SPATA17: variants seen among roughly 807,000 people sequenced by gnomAD.
The protein encoded by SPATA17 is spermatogenesis-associated protein 17.
In SPATA17, 53 loss-of-function variants were observed where a neutral mutation model predicts 62.2. The observed-to-expected ratio is 0.85, with a 90% CI of 0.68 to 1.07. The LOEUF is 1.07. SPATA17 is among the 50% of genes least tolerant of loss of function. SPATA17 has a pLI of 0.00. For synonymous variants in SPATA17, 146 were observed against 146.8 expected, an observed-to-expected ratio of 0.99 and a Z score of 0.04; for missense variants, 466 against 425.5, an observed-to-expected ratio of 1.10 and a Z score of -0.84.
chr1:217,779,144 T>TTG (rs55714817), intron 7 of SPATA17, among the ~76,000 whole-genome samples: 35,590 of 148,330 alleles, frequency 0.24, 4,442 homozygotes, highest in East Asian at 0.5. Context: ...GTAAAACAAC[T>TTG]TGTGTGTGTG....
chr1:217,846,587 T>G (rs983047582), intron 9 of SPATA17, among the ~76,000 whole-genome samples: 1 of 152,092 alleles, frequency 6.6e-6, no homozygotes, highest in African/African-American at 2.4e-5. Flanking sequence ...CTTTTCCTAC[T>G]AGTAATTCAT....
chr1:217,657,261 T>C (rs1670466205), intron 3 of SPATA17, among the ~76,000 whole-genome samples: 1 of 152,204 alleles, frequency 6.6e-6, no homozygotes, highest in South Asian at 2.1e-4. Context: ...AAATGCTGCA[T>C]TGCTTCCTTT....
At chr1:217,755,495 AT>A (rs1431047578) in intron 6 of SPATA17, among the ~76,000 whole-genome samples, 2 of 151,966 alleles carry the variant, frequency 1.3e-5, no homozygotes, top group Non-Finnish European at 2.9e-5. Context: ...TGTCAAAAAA[AT>A]TTTTTTCTTA....
chr1:217,696,141 C>T (rs1322198752), intron 5 of SPATA17, among the ~76,000 whole-genome samples: 1 of 152,208 alleles, frequency 6.6e-6, no homozygotes, highest in African/African-American at 2.4e-5. Context: ...TAGCAATCAG[C>T]GAGATTCCGT....
Position 217,774,529 on chromosome 1 carries a change from C to A in SPATA17, c.715C>A (p.Gln239Lys). 2 of 1,613,432 alleles carry A rather than the reference C, an allele frequency of 1.2e-6. No individual in the cohort carries two copies. Among genetic ancestry groups the A allele is most frequent in the Non-Finnish European group, 1.7e-6 (2 of 1,179,606 alleles). The change falls in exon 7 of 11, where the codon CAA becomes AAA. Residue 239 changes from glutamine to lysine, a missense_variant. By Grantham distance (53) the Gln-to-Lys change is moderately conservative (BLOSUM62 1). Coordinates refer to ENST00000366933, the MANE Select transcript of SPATA17 (RefSeq NM_138796.4). ...AATTCTACCACCTATTAATAGAAAG[C>A]AATGTCAGGTACTAGTTTGCTGTAT... is the stretch of plus-strand genomic sequence containing the variant. Reference protein sequence around the residue: ...SEILPPINRKQCQGPFRDITE... With the variant: ...SEILPPINRKKCQGPFRDITE...
chr1:217,672,314 TG>T (rs1670851158), intron 4 of SPATA17, among the ~76,000 whole-genome samples: 1 of 152,146 alleles, frequency 6.6e-6, no homozygotes, highest in Admixed American at 6.5e-5. Flanking sequence ...GAATGGCGAG[TG>T]TTCAAAAGAA....
At chr1:217,720,016 G>C (rs981398951) in intron 5 of SPATA17, among the ~76,000 whole-genome samples, 5 of 152,166 alleles carry the variant, frequency 3.3e-5, no homozygotes, top group Non-Finnish European at 5.9e-5. Context: ...TAGCTGTTAG[G>C]CACTACTGGT....
chr1:217,639,313 C>A (rs1293539032), intron 1 of SPATA17, among the ~76,000 whole-genome samples: 1 of 152,056 alleles, frequency 6.6e-6, no homozygotes, highest in Non-Finnish European at 1.5e-5. Flanking sequence ...TTCAAGACCA[C>A]AGATAAGAAT....
chr1:217,864,102 T>G (rs547746444), intron 10 of SPATA17, among the ~76,000 whole-genome samples: 1 of 152,226 alleles, frequency 6.6e-6, no homozygotes, highest in Non-Finnish European at 1.5e-5. Flanking sequence ...TCTGAGCTAA[T>G]AGGAAATGTA....
At chr1:217,652,027 A>G (rs959496401) in intron 3 of SPATA17, among the ~76,000 whole-genome samples, 4 of 152,190 alleles carry the variant, frequency 2.6e-5, no homozygotes, top group Non-Finnish European at 5.9e-5. Context: ...AATTGCCAAG[A>G]TCCTCTGCCT....
chr1:217,673,406 G>A (rs114963705), intron 4 of SPATA17, among the ~76,000 whole-genome samples: 7,685 of 152,152 alleles, frequency 0.051, 260 homozygotes, highest in Middle Eastern at 0.11. Context: ...CTGGGGCCCT[G>A]TTCCTCCTGT....
At chr1:217,841,704 C>T (rs1343240389) in intron 9 of SPATA17, among the ~76,000 whole-genome samples, 3 of 151,864 alleles carry the variant, frequency 2.0e-5, no homozygotes, top group South Asian at 2.1e-4. Flanking sequence ...TGGGAGGATC[C>T]TTTGGGTCCA....
At position 217,801,815 on chromosome 1, in the gene SPATA17, C is replaced by T. The variant is rs1204987538; in HGVS notation, c.970C>T (p.Arg324Ter). The T allele has an allele frequency of 9.9e-6, 16 of 1,609,630 alleles. No individual in the cohort carries two copies. Among genetic ancestry groups the T allele is most frequent in the South Asian group, 2.2e-5 (2 of 90,080 alleles). The change falls in exon 9 of 11, where the codon CGA (arginine) becomes TGA (stop). Residue 324 changes from arginine to a stop codon, truncating the protein, a stop_gained. Coordinates refer to ENST00000366933, the MANE Select transcript of SPATA17 (RefSeq NM_138796.4). LOFTEE classifies it high-confidence loss of function. ...TCCTATTTCTTACAAAGAACAATTC[C>T]GAAGTGAAAATCCTAAGAAATGGAT... ...YGPISYKEQF[R>*]SENPKKWICD... is the part of the protein sequence containing the mutation.
intron 9 of SPATA17, among the ~76,000 whole-genome samples, chr1:217,808,643 A>T (rs1223760520): frequency 6.6e-6 from 1 of 152,012 alleles, no homozygotes; most frequent in East Asian, 1.9e-4. Context: ...CCCAAGGTCA[A>T]GAGATCGAGA....
chr1:217,633,052 G>T (rs756778545), intron 1 of SPATA17, among the ~76,000 whole-genome samples: 2 of 152,056 alleles, frequency 1.3e-5, no homozygotes, highest in African/African-American at 4.8e-5. Flanking sequence ...ACAAAAATCA[G>T]CCAGGCATGG....
chr1:217,709,532 CAA>C (rs1051764444), intron 5 of SPATA17, among the ~76,000 whole-genome samples: 1 of 152,146 alleles, frequency 6.6e-6, no homozygotes, highest in Non-Finnish European at 1.5e-5. Context: ...CTGGAGAACA[CAA>C]GAGAGCACCC....
intron 3 of SPATA17, among the ~76,000 whole-genome samples, chr1:217,668,349 T>C (rs1489764928): frequency 1.3e-5 from 2 of 152,182 alleles, no homozygotes; most frequent in African/African-American, 2.4e-5. Flanking sequence ...ATTTGTATAT[T>C]AATATGTAGA....
At chr1:217,821,843 C>A (rs555076462) in intron 9 of SPATA17, among the ~76,000 whole-genome samples, 48 of 152,112 alleles carry the variant, frequency 3.2e-4, no homozygotes, top group African/African-American at 1.1e-3. Flanking sequence ...ATGCAAGGGG[C>A]GCAAACTCTG....
intron 5 of SPATA17, among the ~76,000 whole-genome samples, chr1:217,684,886 T>A (rs1467940139): frequency 1.3e-5 from 2 of 152,280 alleles, no homozygotes; most frequent in Non-Finnish European, 2.9e-5. Context: ...AGGGATCTGG[T>A]CTTTGAGGAT....
Sources: allele counts gnomAD v4.1 joint callset (sites outside exome capture counted in the v4.1 genomes callset), GRCh38; gene constraint gnomAD v4.1.1; transcripts MANE v1.5; gene names NCBI Gene and HGNC (gene_info 2026-07-23, HGNC 2026-07-21).